Variants in GRB10 observed in about 807,000 individuals in gnomAD.
GRB10 encodes growth factor receptor-bound protein 10.
Under a neutral mutation model 80.9 loss-of-function variants are expected in GRB10, and 20 were observed. The observed-to-expected ratio is 0.25, with a 90% CI of 0.17 to 0.36. The LOEUF (loss-of-function observed/expected upper bound fraction) is 0.36. Ranked by LOEUF, GRB10 falls within the 10% of genes least tolerant of loss-of-function variation. The probability of loss-of-function intolerance (pLI) is 1.00; values close to 1 mark genes in which losing one functional copy is unlikely to be tolerated. For missense variants in GRB10, 548 were observed against 747.7 expected, an observed-to-expected ratio of 0.73 and a Z score of 3.12; for synonymous variants, 291 against 291.5, an observed-to-expected ratio of 1.00 and a Z score of 0.02.
At chr7:50,737,011 G>A (rs2070912201) in intron 3 of GRB10, among the ~76,000 whole-genome samples, 1 of 152,210 alleles carries the variant, frequency 6.6e-6, no homozygotes, top group Non-Finnish European at 1.5e-5. Flanking sequence ...CACCAAAGGT[G>A]CAGGCCGAAG....
At chr7:50,655,678 A>G (rs2058575130) in intron 7 of GRB10, among the ~76,000 whole-genome samples, 2 of 152,176 alleles carry the variant, frequency 1.3e-5, no homozygotes, top group South Asian at 4.1e-4. Context: ...CAGGCAAAGC[A>G]AAGTACAAAG....
intron 6 of GRB10, among the ~76,000 whole-genome samples, chr7:50,672,640 CG>C (rs2060483920): frequency 1.3e-5 from 2 of 152,274 alleles, no homozygotes; most frequent in African/African-American, 4.8e-5. Flanking sequence ...CAGGTAGTCC[CG>C]GGGCACATAT....
intron 7 of GRB10, among the ~76,000 whole-genome samples, chr7:50,654,261 C>T (rs2058375907): frequency 6.6e-6 from 1 of 152,172 alleles, no homozygotes; most frequent in Non-Finnish European, 1.5e-5. Context: ...GGTGGCTCTG[C>T]GAGTGTTTCC....
intron 4 of GRB10, among the ~76,000 whole-genome samples, chr7:50,728,961 A>G (rs2069144858): frequency 1.3e-5 from 2 of 152,312 alleles, no homozygotes; most frequent in Admixed American, 1.3e-4. Flanking sequence ...GTGAGCCACC[A>G]AGACCAGCCT....
intron 3 of GRB10, among the ~76,000 whole-genome samples, chr7:50,742,194 C>T (rs1208615329): frequency 6.6e-6 from 1 of 152,138 alleles, no homozygotes; most frequent in African/African-American, 2.4e-5. Flanking sequence ...GATTCTGAAG[C>T]ACCTGTTAAT....
intron 4 of GRB10, among the ~76,000 whole-genome samples, chr7:50,707,617 G>A (rs2065220522): frequency 6.6e-6 from 1 of 152,366 alleles, no homozygotes; most frequent in Admixed American, 6.5e-5. Flanking sequence ...TTACTGCTAT[G>A]TATGTGAATA....
At position 50,616,606 on chromosome 7, in the gene GRB10, T is replaced by C. The variant is rs149686790; in HGVS notation, c.847-259A>G. The stretch of plus-strand genomic sequence containing the variant: ...ACGAGTCATGAATTTCCCTATAAGA[T>C]AGTGCACTGAAGGATCCAGTCTGAT... On this transcript the variant is annotated intron_variant, in intron 10 of 18. Transcript: ENST00000401949. Among the ~76,000 whole-genome samples, 13 of 152,266 alleles carry C rather than the reference T, an allele frequency of 8.5e-5. No homozygotes were observed. The East Asian group carries it at 1.2e-3, about 14-fold the overall frequency.
chr7:50,691,461 G>C (rs977791), intron 5 of GRB10, among the ~76,000 whole-genome samples: 15,652 of 152,138 alleles, frequency 0.1, 974 homozygotes, highest in African/African-American at 0.12. Context: ...CTACCTCATA[G>C]GATAGGTAGA....
At chr7:50,767,196 C>T (rs926133273) in intron 2 of GRB10, among the ~76,000 whole-genome samples, 4 of 152,308 alleles carry the variant, frequency 2.6e-5, no homozygotes, top group Admixed American at 2.6e-4. Flanking sequence ...CACTGCCTGG[C>T]TGCCGGGAAG....
At chr7:50,656,876 A>G (rs982370074) in intron 7 of GRB10, among the ~76,000 whole-genome samples, 3 of 152,198 alleles carry the variant, frequency 2.0e-5, no homozygotes, top group Non-Finnish European at 4.4e-5. Context: ...GCTATAAAAC[A>G]TCCTCAACCT....
intron 5 of GRB10, among the ~76,000 whole-genome samples, chr7:50,684,221 A>G (rs2061850095): frequency 6.7e-6 from 1 of 149,552 alleles, no homozygotes; most frequent in Admixed American, 6.6e-5. Context: ...CTTCAGAATC[A>G]AATGCAGATA....
chr7:50,710,419 G>GT (rs1373407701), intron 4 of GRB10, among the ~76,000 whole-genome samples: 1 of 152,156 alleles, frequency 6.6e-6, no homozygotes, highest in Admixed American at 6.5e-5. Flanking sequence ...AGTCATTGGC[G>GT]TTCCGTTTCA....
At chr7:50,747,167 G>A (rs2073086002) in intron 3 of GRB10, among the ~76,000 whole-genome samples, 1 of 152,114 alleles carries the variant, frequency 6.6e-6, no homozygotes, top group Non-Finnish European at 1.5e-5. Context: ...CACTCTCACA[G>A]TCATGGTCGC....
intron 2 of GRB10, among the ~76,000 whole-genome samples, chr7:50,765,242 C>T (rs6593173): frequency 0.63 from 96,014 of 152,102 alleles, 32,673 homozygotes; most frequent in Middle Eastern, 0.87. Flanking sequence ...GTGCAGCCCC[C>T]ATGGAGAACA....
At chr7:50,707,601 A>C (rs1409428770) in intron 4 of GRB10, among the ~76,000 whole-genome samples, 12 of 152,250 alleles carry the variant, frequency 7.9e-5, no homozygotes, top group Non-Finnish European at 1.6e-4. Flanking sequence ...ATCTCATCTG[A>C]AATATTTACT....
chr7:50,685,609 C>T (rs780603836), intron 5 of GRB10, among the ~76,000 whole-genome samples: 24 of 152,118 alleles, frequency 1.6e-4, no homozygotes, highest in South Asian at 4.1e-4. Flanking sequence ...GAGTTCATGA[C>T]GCTCCCAGTT....
chr7:50,705,048 G>A, intron 4 of GRB10: 1 of 667,272 alleles, frequency 1.5e-6, no homozygotes, highest in Non-Finnish European at 1.9e-6. Flanking sequence ...CTGCCTGAAT[G>A]CTTCCCAGCA....
intron 7 of GRB10, among the ~76,000 whole-genome samples, chr7:50,646,215 C>T (rs893112937): frequency 7.9e-5 from 12 of 152,194 alleles, no homozygotes; most frequent in Non-Finnish European, 5.9e-5. Context: ...CCCCTAGCAA[C>T]GTTCACCCTA....
Position 50,592,765 on chromosome 7 carries a change from G to A in GRB10, c.*187C>T. 2.9e-6 allele frequency: 2 copies of A among 691,230 alleles called. No individual in the cohort carries two copies. The highest frequency in any genetic ancestry group is 2.8e-5 in the East Asian group (1 of 36,242). 42.8% of individuals were successfully genotyped at this position (691,230 alleles called of 1,614,324 possible). On this transcript the variant is annotated 3_prime_UTR_variant, in exon 19 of 19. Transcript: ENST00000401949. Reference sequence around the variant, plus strand: ...ATGCAGAGGGAGGCGACCCTGCTGGGTTCACAGCAGCAAATCGTCGTTTAA... The same window carrying A: ...ATGCAGAGGGAGGCGACCCTGCTGGATTCACAGCAGCAAATCGTCGTTTAA...
Sources: gnomAD v4.1 joint callset for allele counts (sites outside exome capture counted in the v4.1 genomes callset) on GRCh38, gnomAD v4.1.1 for gene constraint, MANE v1.5 for transcripts, NCBI Gene and HGNC (gene_info 2026-07-23, HGNC 2026-07-21) for gene names.